The following ANKS1B variants were observed in gnomAD, a reference collection of about 807,000 sequenced individuals.
ANKS1B encodes the protein ankyrin repeat and sterile alpha motif domain-containing protein 1B.
A neutral mutation model predicts 148.3 loss-of-function variants in ANKS1B; 36 were observed. The ratio of observed to expected loss-of-function variants is 0.24; its 90% CI spans 0.19 to 0.32. The LOEUF (loss-of-function observed/expected upper bound fraction) is 0.32. ANKS1B is among the 10% of genes least tolerant of loss of function. The pLI is 1.00. For missense variants in ANKS1B, 1,157 were observed against 1,542.6 expected, an observed-to-expected ratio of 0.75 and a Z score of 4.19; for synonymous variants, 542 against 560.8, an observed-to-expected ratio of 0.97 and a Z score of 0.47.
chr12:98,936,347 G>A (rs997755022), intron 17 of ANKS1B, among the ~76,000 whole-genome samples: 27 of 152,178 alleles, frequency 1.8e-4, no homozygotes, highest in Admixed American at 6.5e-5. Context: ...TGAACAATTT[G>A]GCTGGGCATG....
chr12:99,548,370 A>G (rs1220763659), intron 9 of ANKS1B, among the ~76,000 whole-genome samples: 2 of 144,588 alleles, frequency 1.4e-5, no homozygotes, highest in Non-Finnish European at 3.1e-5. Context: ...TTGCTTTCTA[A>G]TCCCCAACAG....
At chr12:98,930,603 A>G (rs2099812809) in intron 17 of ANKS1B, among the ~76,000 whole-genome samples, 1 of 152,200 alleles carries the variant, frequency 6.6e-6, no homozygotes, top group South Asian at 2.1e-4. Flanking sequence ...ATTTGTCAAT[A>G]AAATGAAGTA....
intron 8 of ANKS1B, among the ~76,000 whole-genome samples, chr12:99,724,217 G>T (rs2058390083): frequency 6.6e-6 from 1 of 152,124 alleles, no homozygotes; most frequent in Non-Finnish European, 1.5e-5. Context: ...CTAGCTAAAG[G>T]ATCATGTTCT....
Position 99,446,970 on chromosome 12 carries a change from G to A in ANKS1B, c.1439-3161C>T, listed in dbSNP as rs543855850. ...GACATGTGTTGAAATGTCCAGAACT[G>A]TTGAAATAGACCAAGAATTTTTTTG... On this transcript the variant is annotated intron_variant, in intron 10 of 26. Transcript: ENST00000683438. Among the ~76,000 whole-genome samples the A allele has an allele frequency of 2.0e-5, 3 of 152,138 alleles. No individual in the cohort carries two copies. The South Asian group carries it at 6.2e-4, about 32-fold the overall frequency.
At position 99,024,431 on chromosome 12, in the gene ANKS1B, C is replaced by T. The variant is rs1598602753; in HGVS notation, c.2778+28726G>A. Among the ~76,000 whole-genome samples, 9 of 152,166 alleles carry T rather than the reference C, an allele frequency of 5.9e-5. 1 individual carries two copies. The highest frequency in any genetic ancestry group is 5.9e-4 in the Admixed American group (9 of 15,252). ...TGGAAACTCAGGGAACTTCCAACTTCCTGCTGTGCAAACAATGATCAAATA... is the reference window on the plus strand; with the variant it reads ...TGGAAACTCAGGGAACTTCCAACTTTCTGCTGTGCAAACAATGATCAAATA... On this transcript the variant is annotated intron_variant, in intron 17 of 26. Transcript: ENST00000683438.
chr12:99,473,562 A>T (rs767423576), intron 10 of ANKS1B, among the ~76,000 whole-genome samples: 35 of 152,018 alleles, frequency 2.3e-4, no homozygotes, highest in Non-Finnish European at 4.6e-4. Flanking sequence ...TCCTATGAGA[A>T]TTCCTGTTTT....
In ANKS1B at chr12:98,757,900, C is replaced by G. The variant is rs528756757; in HGVS notation, c.3580-6378G>C. 6.1e-5 allele frequency among the ~76,000 whole-genome samples: 9 copies of G among 146,458 alleles called. No homozygotes were observed. The South Asian group carries it at 2.0e-3, about 32-fold the overall frequency. ...AGTATTGTCTACCTTACAGAGACCA[C>G]CAGTGAAAGAGAGCTGCATGTGTGT... On this transcript the variant is annotated intron_variant, in intron 25 of 26. Transcript: ENST00000683438.
chr12:99,815,449 TAATA>T (rs941642981), intron 2 of ANKS1B, among the ~76,000 whole-genome samples: 154 of 151,990 alleles, frequency 1.0e-3, no homozygotes, highest in African/African-American at 3.7e-3. Flanking sequence ...GTATTTATTT[TAATA>T]AATAAATATT....
At chr12:99,127,003 G>T (rs1055188652) in intron 15 of ANKS1B, among the ~76,000 whole-genome samples, 5 of 152,198 alleles carry the variant, frequency 3.3e-5, no homozygotes, top group African/African-American at 1.2e-4. Context: ...CTAACCTTGG[G>T]AGATTATTAG....
intron 9 of ANKS1B, among the ~76,000 whole-genome samples, chr12:99,548,138 T>C (rs1036167394): frequency 4.6e-5 from 7 of 152,222 alleles, no homozygotes; most frequent in Admixed American, 2.0e-4. Flanking sequence ...CACCTTTCCC[T>C]AATTTTTGTT....
Position 99,109,134 on chromosome 12 carries a change from T to A in ANKS1B, c.2527-24111A>T, listed in dbSNP as rs139136884. Among the ~76,000 whole-genome samples, 110 of 152,280 alleles carry A rather than the reference T, an allele frequency of 7.2e-4. 2 individuals carry two copies. The East Asian group carries it at 0.02, about 28-fold the overall frequency. Reference sequence around the variant, plus strand: ...GCTGGTCAGGGAACTCACACTGAGCTGTAGAATGTTCCCAGGCTCTGGACC... The same window carrying A: ...GCTGGTCAGGGAACTCACACTGAGCAGTAGAATGTTCCCAGGCTCTGGACC... On this transcript the variant is annotated intron_variant, in intron 15 of 26. Transcript: ENST00000683438.
At chr12:99,467,606 T>A (rs562188746) in intron 10 of ANKS1B, among the ~76,000 whole-genome samples, 8 of 152,254 alleles carry the variant, frequency 5.3e-5, no homozygotes, top group Non-Finnish European at 1.2e-4. Flanking sequence ...GGAAACAAAA[T>A]CAATGTACAA....
chr12:99,035,550 C>T (rs1384208425), intron 17 of ANKS1B, among the ~76,000 whole-genome samples: 1 of 152,164 alleles, frequency 6.6e-6, no homozygotes, highest in Non-Finnish European at 1.5e-5. Context: ...GGGTCTTCAT[C>T]CTGAAGGCTC....
At chr12:99,237,760 C>A (rs931342749) in intron 14 of ANKS1B, among the ~76,000 whole-genome samples, 1 of 152,148 alleles carries the variant, frequency 6.6e-6, no homozygotes, top group Non-Finnish European at 1.5e-5. Flanking sequence ...AAAATAGAAA[C>A]TTCGTGTGTG....
chr12:99,346,380 C>T (rs752734705), intron 12 of ANKS1B, among the ~76,000 whole-genome samples: 3 of 145,594 alleles, frequency 2.1e-5, no homozygotes, highest in Non-Finnish European at 4.6e-5. Flanking sequence ...CTCTCACACA[C>T]GCACACACAC....
intron 15 of ANKS1B, among the ~76,000 whole-genome samples, chr12:99,115,932 C>CAAA (rs60585792): frequency 4.9e-4 from 32 of 64,842 alleles, no homozygotes; most frequent in African/African-American, 7.9e-4. Flanking sequence ...GACTCCGTCT[C>CAAA]AAAAAAAAAA....
chr12:98,935,663 T>C (rs938540605), intron 17 of ANKS1B, among the ~76,000 whole-genome samples: 1 of 152,190 alleles, frequency 6.6e-6, no homozygotes, highest in African/African-American at 2.4e-5. Context: ...GAATGAATAT[T>C]TATATCTCAA....
intron 16 of ANKS1B, among the ~76,000 whole-genome samples, chr12:99,062,783 A>C (rs1256645096): frequency 1.3e-5 from 2 of 152,208 alleles, no homozygotes; most frequent in Non-Finnish European, 1.5e-5. Context: ...GAAGGGTCAG[A>C]GTCATAAAAC....
At chr12:99,024,478 T>G (rs1372104682) in intron 17 of ANKS1B, among the ~76,000 whole-genome samples, 1 of 152,176 alleles carries the variant, frequency 6.6e-6, no homozygotes, top group African/African-American at 2.4e-5. Context: ...ACATGGGTTT[T>G]ATAGACCCTT....
Sources: gnomAD v4.1 joint callset for allele counts (sites outside exome capture counted in the v4.1 genomes callset) on GRCh38, gnomAD v4.1.1 for gene constraint, MANE v1.5 for transcripts, NCBI Gene and HGNC (gene_info 2026-07-23, HGNC 2026-07-21) for gene names.